RRAS2: variants seen among roughly 807,000 people sequenced by gnomAD.
The protein encoded by RRAS2 is ras-related protein R-Ras2.
Under a neutral mutation model 27.6 loss-of-function variants are expected in RRAS2, and 7 were observed. The observed-to-expected ratio is 0.25, with a 90% confidence interval of 0.14 to 0.48. The LOEUF (loss-of-function observed/expected upper bound fraction) is 0.48. RRAS2 is among the 20% of genes least tolerant of loss of function. The pLI is 0.99. For synonymous variants in RRAS2, 86 were observed against 90.9 expected (o/e 0.95, Z 0.31); for missense variants, 178 against 256.2 (o/e 0.69, Z 2.08).
intron 4 of RRAS2, among the ~76,000 whole-genome samples, chr11:14,290,060 C>T (rs1242314730): frequency 6.6e-6 from 1 of 152,196 alleles, no homozygotes; most frequent in Non-Finnish European, 1.5e-5. Context: ...GAAGCTTTTA[C>T]AGCATCCCCG....
In RRAS2 at chr11:14,359,114, G is replaced by A. The variant is rs943213310; in HGVS notation, c.-244C>T. On this transcript the variant is annotated 5_prime_UTR_variant, in exon 1 of 6. Transcript: ENST00000256196. ...GGCCAGGGGCGGCAGCGGCCGGGGG[G>A]CGCGCTCCTCTACGCGTCTCCGCAG... 1.0e-5 allele frequency: 11 copies of A among 1,054,568 alleles called. No homozygotes were observed. The highest frequency in any genetic ancestry group is 5.5e-5 in the Admixed American group (1 of 18,232). The allele number at this position is 1,054,568 out of a possible 1,614,324, so 65.3% of individuals were successfully genotyped here.
intron 1 of RRAS2, among the ~76,000 whole-genome samples, chr11:14,352,765 AG>A (rs1848987431): frequency 6.7e-6 from 1 of 150,018 alleles, no homozygotes; most frequent in African/African-American, 2.4e-5. Flanking sequence ...ATAGAGAGAG[AG>A]AGAGAGAGAG....
At chr11:14,302,073 T>TACATACACACACACACACAC in intron 1 of RRAS2, among the ~76,000 whole-genome samples, 1 of 142,474 alleles carries the variant, frequency 7.0e-6, no homozygotes, top group East Asian at 2.1e-4. Flanking sequence ...ACCACACACA[T>TACATACACACACACACACAC]ACACACACAC....
chr11:14,321,351 C>T (rs1554950258), intron 1 of RRAS2, among the ~76,000 whole-genome samples: 1 of 152,168 alleles, frequency 6.6e-6, no homozygotes, highest in African/African-American at 2.4e-5. Context: ...AGGGAACTAA[C>T]TCTACAAGGA....
At chr11:14,315,639 C>T (rs948983836) in intron 1 of RRAS2, among the ~76,000 whole-genome samples, 1 of 152,044 alleles carries the variant, frequency 6.6e-6, no homozygotes, top group Non-Finnish European at 1.5e-5. Flanking sequence ...ATGTACCATA[C>T]GTGTTAACAA....
intron 2 of RRAS2, 150 bp downstream of exon 2, chr11:14,295,618 A>T (rs1847523890): frequency 3.7e-6 from 2 of 537,366 alleles, no homozygotes; most frequent in Non-Finnish European, 6.3e-6. Context: ...CCCATTATGC[A>T]GACTCTTCAA....
At chr11:14,309,148 T>A (rs143426395) in intron 1 of RRAS2, among the ~76,000 whole-genome samples, 2,578 of 152,226 alleles carry the variant, frequency 0.017, 75 homozygotes, top group African/African-American at 0.059. Context: ...TTACTTCCAT[T>A]TTCACTTCCT....
intron 1 of RRAS2, among the ~76,000 whole-genome samples, chr11:14,345,926 C>T (rs1848819854): frequency 6.6e-6 from 1 of 152,142 alleles, no homozygotes; most frequent in Non-Finnish European, 1.5e-5. Context: ...TAGCTATGAG[C>T]AACTCTTCAT....
At chr11:14,342,022 C>A in intron 1 of RRAS2, 4 of 735,872 alleles carry the variant, frequency 5.4e-6, no homozygotes, top group Non-Finnish European at 7.2e-6. Context: ...AAATCTTCAG[C>A]TCTATACTAG....
Position 14,278,629 on chromosome 11 carries a change from G to A in RRAS2, c.*708C>T, listed in dbSNP as rs1554943811. 6.6e-6 allele frequency: 1 copy of A among 152,244 alleles called. No individual in the cohort carries two copies. The highest frequency in any genetic ancestry group is 2.4e-5 in the African/African-American group (1 of 41,564). The allele number at this position is 152,244 out of a possible 1,614,324, so 9.4% of individuals were successfully genotyped here. A position where few individuals can be genotyped will look rare whatever the true frequency, so the allele number is the denominator to read the frequency against. ...ATTATTCCTTTTTACCCTTAGCGTG[G>A]CTGTGAAAAAGAGTTAAATTAAAAA... is the stretch of plus-strand genomic sequence containing the variant. On this transcript the variant is annotated 3_prime_UTR_variant, in exon 6 of 6. Coordinates refer to ENST00000256196, the MANE Select transcript of RRAS2 (RefSeq NM_012250.6).
chr11:14,278,561 G>C lies in RRAS2; in HGVS notation c.*776C>G, dbSNP rs1469822729. On this transcript the variant is annotated 3_prime_UTR_variant, in exon 6 of 6. Coordinates refer to ENST00000256196, the MANE Select transcript of RRAS2 (RefSeq NM_012250.6). ...CAAACAAAAACAGTTTTAGTTTTTT[G>C]AATCCCTTACCCAGAAATACTTGAA... The C allele has an allele frequency of 6.6e-6, 1 of 152,038 alleles. No individual in the cohort carries two copies. Among genetic ancestry groups the C allele is most frequent in the Non-Finnish European group, 1.5e-5 (1 of 67,992 alleles). The allele number at this position is 152,038 out of a possible 1,614,324, so 9.4% of individuals were successfully genotyped here.
intron 1 of RRAS2, among the ~76,000 whole-genome samples, chr11:14,306,267 T>A (rs1210203551): frequency 4.8e-5 from 6 of 125,558 alleles, no homozygotes; most frequent in African/African-American, 1.8e-4. Flanking sequence ...AATGTAAGAG[T>A]ACTATATTCT....
chr11:14,353,283 C>T (rs1475996393), intron 1 of RRAS2, among the ~76,000 whole-genome samples: 4 of 152,098 alleles, frequency 2.6e-5, no homozygotes, highest in Admixed American at 6.5e-5. Flanking sequence ...CTGTTATCTA[C>T]CAAGGGAAAG....
chr11:14,293,852 T>C (rs1336212130), intron 4 of RRAS2, among the ~76,000 whole-genome samples: 1 of 152,216 alleles, frequency 6.6e-6, no homozygotes, highest in African/African-American at 2.4e-5. Flanking sequence ...AAGATGAATG[T>C]GCAATGTTAC....
chr11:14,335,382 C>G (rs1339069374), intron 1 of RRAS2, among the ~76,000 whole-genome samples: 1 of 152,146 alleles, frequency 6.6e-6, no homozygotes, highest in African/African-American at 2.4e-5. Flanking sequence ...GGATATATAC[C>G]TTCATATGGC....
Position 14,295,684 on chromosome 11 carries a change from T to C in RRAS2, c.196+84A>G, listed in dbSNP as rs898105528. 58 of 1,054,054 alleles carry C rather than the reference T, an allele frequency of 5.5e-5. No individual in the cohort carries two copies. In the Admixed American group the frequency reaches 1.3e-3, roughly 24 times the overall value. The allele number at this position is 1,054,054 out of a possible 1,614,324, so 65.3% of individuals were successfully genotyped here. A position where few individuals can be genotyped will look rare whatever the true frequency, so the allele number is the denominator to read the frequency against. ...TCCAGATCATCTAATATTTCAAATATATTATTTAACATAGCAAAACATCAG... is the reference window on the plus strand; with the variant it reads ...TCCAGATCATCTAATATTTCAAATACATTATTTAACATAGCAAAACATCAG... On this transcript the variant is annotated intron_variant, in intron 2 of 5. Transcript: ENST00000256196.
chr11:14,323,402 A>C (rs904954780), intron 1 of RRAS2, among the ~76,000 whole-genome samples: 2 of 152,108 alleles, frequency 1.3e-5, no homozygotes, highest in African/African-American at 4.8e-5. Context: ...ATGGTGCAGC[A>C]AAGTGAGATC....
At chr11:14,339,302 G>T (rs1253534573) in intron 1 of RRAS2, among the ~76,000 whole-genome samples, 20 of 126,460 alleles carry the variant, frequency 1.6e-4, no homozygotes. Flanking sequence ...AAGGGGGGGG[G>T]GGGAAGAAAA....
chr11:14,293,801 G>C (rs1441753052), intron 4 of RRAS2, among the ~76,000 whole-genome samples: 1 of 152,054 alleles, frequency 6.6e-6, no homozygotes, highest in South Asian at 2.1e-4. Context: ...TGAACAGCCG[G>C]CATTAATATA....
Sources: gnomAD v4.1 joint callset for allele counts (sites outside exome capture counted in the v4.1 genomes callset) on GRCh38, gnomAD v4.1.1 for gene constraint, MANE v1.5 for transcripts, NCBI Gene and HGNC (gene_info 2026-07-23, HGNC 2026-07-21) for gene names.